The following AGMO variants were observed in gnomAD, a reference collection of about 807,000 sequenced individuals.
AGMO encodes alkylglycerol monooxygenase.
In AGMO, 75 loss-of-function variants were observed where a neutral mutation model predicts 60.2. The ratio of observed to expected loss-of-function variants is 1.25; its 90% CI spans 1.03 to 1.51. The LOEUF (loss-of-function observed/expected upper bound fraction) is 1.51, where lower values mean the gene tolerates loss of function less well. Among genes scored for constraint, AGMO ranks in the 40% most tolerant of loss-of-function variants. The pLI is 0.00. For missense variants in AGMO, 763 were observed against 525.5 expected, an observed-to-expected ratio of 1.45 and a Z score of -4.42; for synonymous variants, 261 against 177.1, an observed-to-expected ratio of 1.47 and a Z score of -3.76.
intron 3 of AGMO, among the ~76,000 whole-genome samples, chr7:15,469,017 A>G (rs1470413332): frequency 6.6e-6 from 1 of 152,124 alleles, no homozygotes; most frequent in East Asian, 1.9e-4. Context: ...CCCAATTTGC[A>G]TACATTTAAA....
chr7:15,169,060 A>T, the AGMO span, among the ~76,000 whole-genome samples: 1 of 152,176 alleles, frequency 6.6e-6, no homozygotes, highest in African/African-American at 2.4e-5. Flanking sequence ...GGATAACCAG[A>T]TGAGCATTGG....
At chr7:15,292,706 C>T (rs930705245) in intron 12 of AGMO, among the ~76,000 whole-genome samples, 1 of 148,378 alleles carries the variant, frequency 6.7e-6, no homozygotes, top group Non-Finnish European at 1.5e-5. Context: ...AATAGAATCT[C>T]TGAGTCTCCA....
the AGMO span, among the ~76,000 whole-genome samples, chr7:15,184,366 G>GGAA: frequency 0.04 from 157 of 3,940 alleles, 48 homozygotes; most frequent in East Asian, 0.22. Flanking sequence ...AGGGAAGGAA[G>GGAA]GGAAGGAAGG....
the AGMO span, among the ~76,000 whole-genome samples, chr7:15,191,970 C>CTT: frequency 3.2e-5 from 2 of 63,258 alleles, no homozygotes; most frequent in Non-Finnish European, 6.0e-5. Flanking sequence ...CTCTGTCTCT[C>CTT]TCTCACACAC....
chr7:15,390,424 A>T (rs951031633), intron 8 of AGMO, among the ~76,000 whole-genome samples: 1 of 152,218 alleles, frequency 6.6e-6, no homozygotes, highest in Non-Finnish European at 1.5e-5. Context: ...ATATGTTTAG[A>T]AGCCACTTTA....
chr7:15,530,331 CATAT>C (rs1163968654), intron 3 of AGMO, among the ~76,000 whole-genome samples: 1 of 65,780 alleles, frequency 1.5e-5, no homozygotes, highest in Non-Finnish European at 2.8e-5. Flanking sequence ...TACGTATTTC[CATAT>C]ATATTCTATA....
chr7:15,288,117 G>A (rs1184031356), intron 12 of AGMO, among the ~76,000 whole-genome samples: 1 of 151,822 alleles, frequency 6.6e-6, no homozygotes, highest in African/African-American at 2.4e-5. Context: ...TCCGCCTCCC[G>A]GGTTCACACC....
At chr7:15,263,490 C>T (rs1783340425) in intron 12 of AGMO, among the ~76,000 whole-genome samples, 1 of 152,042 alleles carries the variant, frequency 6.6e-6, no homozygotes, top group Admixed American at 6.6e-5. Context: ...AATAGTAAAA[C>T]CACTCTGGAA....
At chr7:15,521,310 C>A (rs1783978562) in intron 3 of AGMO, among the ~76,000 whole-genome samples, 1 of 152,086 alleles carries the variant, frequency 6.6e-6, no homozygotes. Flanking sequence ...CTATTCCGAG[C>A]AACAGAAAAA....
At position 15,479,868 on chromosome 7, in the gene AGMO, G is replaced by T. The variant is rs555914642; in HGVS notation, c.410-48760C>A. Reference sequence around the variant, plus strand: ...GAGTGGTGATGAGAGCTCAGTAACGGCTAGAATTCAAAGAAAGAACTCGAT... The same window carrying T: ...GAGTGGTGATGAGAGCTCAGTAACGTCTAGAATTCAAAGAAAGAACTCGAT... On this transcript the variant is annotated intron_variant, in intron 3 of 12. Transcript: ENST00000342526. 3.9e-5 allele frequency among the ~76,000 whole-genome samples: 6 copies of T among 152,192 alleles called. No individual in the cohort carries two copies. In the East Asian group the frequency reaches 7.8e-4, roughly 20 times the overall value.
At chr7:15,395,765 C>T (rs1373297036) in intron 5 of AGMO, among the ~76,000 whole-genome samples, 2 of 152,074 alleles carry the variant, frequency 1.3e-5, no homozygotes, top group African/African-American at 4.8e-5. Context: ...CTCACTAATC[C>T]AACTGAAAAT....
intron 12 of AGMO, among the ~76,000 whole-genome samples, chr7:15,202,346 C>G (rs922796262): frequency 6.6e-6 from 1 of 151,172 alleles, no homozygotes; most frequent in Non-Finnish European, 1.5e-5. Flanking sequence ...GAAGTCAAGA[C>G]TGTTAACTGA....
Position 15,394,187 on chromosome 7 carries a change from A to G in AGMO, c.610-8T>C. The G allele has an allele frequency of 6.3e-7, 1 of 1,574,968 alleles. No homozygotes were observed. ...ACCAAGGTTATTGATGACCTGTTTA[A>G]AACAGAAGGAATATTTATACATGTA... On this transcript the variant is annotated splice_polypyrimidine_tract_variant and splice_region_variant and intron_variant, in intron 5 of 12. Transcript: ENST00000342526.
At chr7:15,133,286 G>GT in the AGMO span, among the ~76,000 whole-genome samples, 10 of 152,166 alleles carry the variant, frequency 6.6e-5, 1 homozygote, top group African/African-American at 2.4e-4. Flanking sequence ...TTCCTTTTGT[G>GT]TAAGTGTCTG....
At chr7:15,300,966 C>G (rs1784546411) in intron 12 of AGMO, among the ~76,000 whole-genome samples, 1 of 152,146 alleles carries the variant, frequency 6.6e-6, no homozygotes, top group Non-Finnish European at 1.5e-5. Flanking sequence ...CTATCTGTCT[C>G]TCTCTTAAAT....
At chr7:15,203,991 T>G (rs1781375887) in intron 12 of AGMO, among the ~76,000 whole-genome samples, 1 of 152,082 alleles carries the variant, frequency 6.6e-6, no homozygotes, top group Non-Finnish European at 1.5e-5. Flanking sequence ...AAATTTGGAA[T>G]TTTTATATAT....
chr7:15,278,166 C>G (rs529366554), intron 12 of AGMO, among the ~76,000 whole-genome samples: 1 of 152,168 alleles, frequency 6.6e-6, no homozygotes, highest in Non-Finnish European at 1.5e-5. Context: ...AGAATCTCTT[C>G]ACTCAGTCCA....
chr7:15,535,712 C>A (rs1784469126), intron 3 of AGMO, among the ~76,000 whole-genome samples: 1 of 151,896 alleles, frequency 6.6e-6, no homozygotes, highest in African/African-American at 2.4e-5. Context: ...TATTTTGGTG[C>A]AGGCATGCAA....
chr7:15,554,715 A>AT (rs1296589256), intron 2 of AGMO, among the ~76,000 whole-genome samples: 9 of 152,218 alleles, frequency 5.9e-5, no homozygotes, highest in Admixed American at 4.6e-4. Flanking sequence ...ATTAATCCTC[A>AT]TTTTTTACAA....
Sources: gnomAD v4.1 joint callset for allele counts (sites outside exome capture counted in the v4.1 genomes callset) on GRCh38, gnomAD v4.1.1 for gene constraint, MANE v1.5 for transcripts, NCBI Gene and HGNC (gene_info 2026-07-23, HGNC 2026-07-21) for gene names.